The following LGR5 variants were observed in gnomAD, a reference collection of about 807,000 sequenced individuals.
The protein encoded by LGR5 is leucine rich repeat containing G protein-coupled receptor 5, also known as leucine-rich repeat-containing G protein-coupled receptor 5.
A neutral mutation model predicts 76.7 loss-of-function variants in LGR5; 54 were observed. The observed-to-expected ratio is 0.70, with a 90% confidence interval of 0.57 to 0.88. The LOEUF (loss-of-function observed/expected upper bound fraction) is 0.88, where lower values mean the gene tolerates loss of function less well. LGR5 is among the 40% of genes least tolerant of loss of function. LGR5 has a pLI of 0.00. For missense variants in LGR5, 1,078 were observed against 1,073.3 expected (o/e 1.00, Z -0.06); for synonymous variants, 406 against 421.9 (o/e 0.96, Z 0.46).
intron 4 of LGR5, among the ~76,000 whole-genome samples, chr12:71,543,646 T>C (rs1458090887): frequency 6.6e-6 from 1 of 152,222 alleles, no homozygotes; most frequent in African/African-American, 2.4e-5. Context: ...AGGGAAATTA[T>C]TTAAGGCGTA....
intron 4 of LGR5, among the ~76,000 whole-genome samples, chr12:71,535,721 A>T (rs996023997): frequency 6.6e-5 from 10 of 152,156 alleles, no homozygotes; most frequent in African/African-American, 2.4e-4. Context: ...CACAGAACAC[A>T]GATGTGCAGA....
chr12:71,532,599 A>G (rs1876374798), intron 3 of LGR5, among the ~76,000 whole-genome samples: 1 of 152,204 alleles, frequency 6.6e-6, no homozygotes, highest in African/African-American at 2.4e-5. Context: ...GTATATGAGC[A>G]CGTATTTATA....
Position 71,440,314 on chromosome 12 carries a change from T to C in LGR5, c.212+22T>C, listed in dbSNP as rs1274926371. ...ACCTGTAAGTACTTCCCCACGTCAC[T>C]CCGGGAGAGAGACTAAGAGGGGAAG... On this transcript the variant is annotated intron_variant, in intron 1 of 17. Coordinates refer to ENST00000266674, the MANE Select transcript of LGR5 (RefSeq NM_003667.4). The surrounding 1 kb of genome is among the most constrained non-coding windows in gnomAD (Gnocchi z 5.3). 2 of 1,598,144 alleles carry C rather than the reference T, an allele frequency of 1.3e-6. No homozygotes were observed.
intron 1 of LGR5, among the ~76,000 whole-genome samples, chr12:71,482,066 G>T (rs1873631835): frequency 6.6e-6 from 1 of 152,148 alleles, no homozygotes; most frequent in African/African-American, 2.4e-5. Flanking sequence ...GGGGAGGGAA[G>T]GTACTTCAGA....
chr12:71,463,981 G>A (rs576283021), intron 1 of LGR5, among the ~76,000 whole-genome samples: 1 of 152,218 alleles, frequency 6.6e-6, no homozygotes, highest in Admixed American at 6.5e-5. Flanking sequence ...TCAGAGGTTA[G>A]CTGATAACTC....
intron 4 of LGR5, among the ~76,000 whole-genome samples, chr12:71,540,506 C>T (rs1410897865): frequency 6.6e-6 from 1 of 152,148 alleles, no homozygotes; most frequent in Non-Finnish European, 1.5e-5. Context: ...ACCAGCTGCC[C>T]ATACATCTTA....
intron 1 of LGR5, among the ~76,000 whole-genome samples, chr12:71,460,353 C>A (rs1266883566): frequency 1.3e-5 from 2 of 152,136 alleles, no homozygotes; most frequent in Non-Finnish European, 2.9e-5. Flanking sequence ...AAACTTACTT[C>A]TCAGTTCCAA....
At chr12:71,491,080 C>G (rs925211132) in intron 1 of LGR5, among the ~76,000 whole-genome samples, 4 of 152,196 alleles carry the variant, frequency 2.6e-5, no homozygotes, top group African/African-American at 9.7e-5. Flanking sequence ...CACATGCTCT[C>G]TTGCCTGCCA....
intron 13 of LGR5, among the ~76,000 whole-genome samples, chr12:71,573,809 T>C (rs1309390514): frequency 6.6e-6 from 1 of 152,004 alleles, no homozygotes; most frequent in Non-Finnish European, 1.5e-5. Context: ...ATAACCTTAA[T>C]AATTTCCTCC....
chr12:71,564,701 CACACTGTATAT>C lies in LGR5; in HGVS notation c.858-1701_858-1691del, dbSNP rs1565761400. ...ATATACATATATACATATATGTACA[CACACTGTATAT>C]ATACATATATACATATATGTACACA... On this transcript the variant is annotated intron_variant, in intron 8 of 17. Transcript: ENST00000266674. 9.9e-4 allele frequency among the ~76,000 whole-genome samples: 14 copies of C among 14,126 alleles called. 1 individual carries two copies. In the Admixed American group the frequency reaches 0.019, roughly 19 times the overall value. The allele number at this position is 14,126 out of a possible 152,430, so 9.3% of individuals were successfully genotyped here.
intron 1 of LGR5, among the ~76,000 whole-genome samples, chr12:71,474,942 T>C (rs1873262971): frequency 6.6e-6 from 1 of 152,166 alleles, no homozygotes. Context: ...AAGATTCCGT[T>C]GGTGTGCTTT....
At chr12:71,489,753 A>G (rs1873983587) in intron 1 of LGR5, among the ~76,000 whole-genome samples, 1 of 152,160 alleles carries the variant, frequency 6.6e-6, no homozygotes, top group South Asian at 2.1e-4. Flanking sequence ...CCAAAAGTGT[A>G]TCTATTGTCT....
At chr12:71,570,433 C>T (rs1460481255) in intron 11 of LGR5, among the ~76,000 whole-genome samples, 1 of 152,114 alleles carries the variant, frequency 6.6e-6, no homozygotes, top group Non-Finnish European at 1.5e-5. Flanking sequence ...AAGAGGTAGA[C>T]AATGAAGGAG....
At chr12:71,497,458 A>G (rs1874385575) in intron 1 of LGR5, among the ~76,000 whole-genome samples, 1 of 152,160 alleles carries the variant, frequency 6.6e-6, no homozygotes, top group Non-Finnish European at 1.5e-5. Context: ...TTTCCTGTAT[A>G]TGTTATACTT....
Position 71,440,415 on chromosome 12 carries a change from G to T in LGR5, c.212+123G>T. Reference sequence around the variant, plus strand: ...TGGGGGAGGGGGGCGAGTTTGTCAAGGGCATCCTGGCCAGGCCTGTTAGGG... The same window carrying T: ...TGGGGGAGGGGGGCGAGTTTGTCAATGGCATCCTGGCCAGGCCTGTTAGGG... On this transcript the variant is annotated intron_variant, in intron 1 of 17. Transcript: ENST00000266674. This position sits in a 1 kb window ranked among gnomAD's most constrained non-coding sequence, Gnocchi z 5.3. The T allele has an allele frequency of 1.1e-6, 1 of 898,870 alleles. No homozygotes were observed. The highest frequency in any genetic ancestry group is 2.6e-5 in the East Asian group (1 of 38,658). The allele number at this position is 898,870 out of a possible 1,614,324, so 55.7% of individuals were successfully genotyped here. A position where few individuals can be genotyped will look rare whatever the true frequency, so the allele number is the denominator to read the frequency against.
chr12:71,584,554 C>T lies in LGR5; in HGVS notation c.2544C>T (p.Ser848=). 1 of 1,614,116 alleles carries T rather than the reference C, an allele frequency of 6.2e-7. No individual in the cohort carries two copies. The highest frequency in any genetic ancestry group is 1.1e-5 in the South Asian group (1 of 91,072). The change falls in exon 18 of 18, where the codon AGC becomes AGT. Residue 848 remains serine, a synonymous_variant. Coordinates refer to ENST00000266674, the MANE Select transcript of LGR5 (RefSeq NM_003667.4). ...TYVWTRSKHP[S]LMSINSDDVE... ...TCTGGACAAGATCAAAACACCCAAG[C>T]TTGATGTCAATTAACTCTGATGATG...
chr12:71,488,608 A>C (rs1002991816), intron 1 of LGR5, among the ~76,000 whole-genome samples: 8 of 152,204 alleles, frequency 5.3e-5, no homozygotes, highest in African/African-American at 1.7e-4. Flanking sequence ...AATGTTTTGC[A>C]GCATTGATTT....
In LGR5 at chr12:71,531,995, C is replaced by T. The variant is rs149473031; in HGVS notation, c.357-3120C>T. Among the ~76,000 whole-genome samples the T allele has an allele frequency of 9.7e-4, 148 of 152,236 alleles. No individual in the cohort carries two copies. In the Middle Eastern group the frequency reaches 0.01, roughly 10 times the overall value. ...AAAGCTATCTGAAACTCTCATCTTC[C>T]ACCTCAATTTTTCAGATATTTTAGG... On this transcript the variant is annotated intron_variant, in intron 3 of 17. Transcript: ENST00000266674.
chr12:71,537,183 CAAA>C (rs35199889), intron 4 of LGR5, among the ~76,000 whole-genome samples: 10 of 111,148 alleles, frequency 9.0e-5, no homozygotes, highest in Admixed American at 2.6e-4. Flanking sequence ...TAAGAGTTGT[CAAA>C]AAAAAAAAAA....
Sources: gnomAD v4.1 joint callset for allele counts (sites outside exome capture counted in the v4.1 genomes callset) on GRCh38, gnomAD v4.1.1 for gene constraint, Gnocchi (gnomAD v3.1) non-coding constraint, MANE v1.5 for transcripts, NCBI Gene and HGNC (gene_info 2026-07-23, HGNC 2026-07-21) for gene names.